Variants in PCDHGB1 observed in about 807,000 individuals in gnomAD.
PCDHGB1 encodes the protein protocadherin gamma subfamily B, 1.
PCDHGB1 carries 34 observed loss-of-function variants against 56.6 expected under a neutral mutation model. The observed-to-expected ratio is 0.60, with a 90% CI of 0.46 to 0.80. The LOEUF is 0.80. Among genes scored for constraint, PCDHGB1 ranks in the 30% least tolerant of loss-of-function variants. The pLI, the probability that PCDHGB1 is intolerant of heterozygous loss-of-function variation, is 0.00. For synonymous variants in PCDHGB1, 561 were observed against 505.9 expected (o/e 1.11, Z -1.46); for missense variants, 1,278 against 1,204.6 (o/e 1.06, Z -0.90).
At chr5:141,399,675 T>C (rs753709757) in intron 1 of PCDHGB1, 3 of 1,613,618 alleles carry the variant, frequency 1.9e-6, no homozygotes, top group South Asian at 2.2e-5. Context: ...AGCGCGCCTT[T>C]GACTACGAGC....
chr5:141,483,887 C>G (rs147069309), intron 1 of PCDHGB1, among the ~76,000 whole-genome samples: 13 of 152,036 alleles, frequency 8.6e-5, no homozygotes, highest in Non-Finnish European at 1.2e-4. Context: ...TTTTCTATTT[C>G]TCTGAGCTCT....
At chr5:141,398,372 G>C in intron 1 of PCDHGB1, 1 of 1,437,202 alleles carries the variant, frequency 7.0e-7, no homozygotes, top group Non-Finnish European at 9.7e-7. Context: ...GCAGAGAGCG[G>C]GGAGTTGCTT....
At chr5:141,376,273 T>A in intron 1 of PCDHGB1, 2 of 1,614,102 alleles carry the variant, frequency 1.2e-6, no homozygotes, top group Non-Finnish European at 1.7e-6. Flanking sequence ...CTTCGGGAGG[T>A]GGCTTAGCGA....
chr5:141,437,956 T>A (rs998689841), intron 1 of PCDHGB1, among the ~76,000 whole-genome samples: 6 of 152,178 alleles, frequency 3.9e-5, no homozygotes, highest in African/African-American at 1.4e-4. Context: ...CAGAATGGTC[T>A]TGATCTCTTG....
At chr5:141,387,237 G>A (rs1273049599) in intron 1 of PCDHGB1, among the ~76,000 whole-genome samples, 2 of 152,168 alleles carry the variant, frequency 1.3e-5, no homozygotes, top group African/African-American at 4.8e-5. Flanking sequence ...AAATCAACTT[G>A]GAGGTACTTA....
chr5:141,410,778 G>T, intron 1 of PCDHGB1: 3 of 818,726 alleles, frequency 3.7e-6, no homozygotes, highest in Non-Finnish European at 3.4e-6. Flanking sequence ...TTTTCACTAT[G>T]TATTTGGTTC....
Position 141,351,438 on chromosome 5 carries a change from C to A in PCDHGB1, c.1178C>A (p.Thr393Asn). ...QEEVPFKLES[T>N]SKNYYKLVIA... The stretch of plus-strand genomic sequence containing the variant: ...GAAGTTCCTTTCAAATTAGAATCCA[C>A]CTCGAAGAATTATTACAAGCTGGTG... Residue 393 changes from threonine to asparagine, a missense_variant, in exon 1 of 4, where the codon ACC becomes AAC. Coordinates refer to ENST00000523390, the MANE Select transcript of PCDHGB1 (RefSeq NM_018922.3). The A allele has an allele frequency of 2.5e-6, 4 of 1,612,402 alleles. No homozygotes were observed. The highest frequency in any genetic ancestry group is 3.4e-6 in the Non-Finnish European group (4 of 1,179,040).
intron 1 of PCDHGB1, among the ~76,000 whole-genome samples, chr5:141,473,126 A>C (rs2154571574): frequency 6.6e-6 from 1 of 152,356 alleles, no homozygotes; most frequent in South Asian, 2.1e-4. Flanking sequence ...GCTCTTTGGC[A>C]AACTATATTA....
chr5:141,374,092 T>G, intron 1 of PCDHGB1: 2 of 1,537,780 alleles, frequency 1.3e-6, no homozygotes. Flanking sequence ...TAATGGCGCC[T>G]CCGCAGAGGC....
intron 1 of PCDHGB1, chr5:141,421,455 C>G (rs762490406): frequency 6.2e-6 from 10 of 1,614,108 alleles, no homozygotes; most frequent in South Asian, 1.1e-5. Flanking sequence ...CACAGCTTTT[C>G]GCTGTGAATC....
intron 1 of PCDHGB1, chr5:141,394,860 G>T: frequency 1.2e-6 from 2 of 1,613,792 alleles, no homozygotes; most frequent in Non-Finnish European, 1.7e-6. Context: ...GCCTTCGGTC[G>T]ACCCGAACGA....
intron 2 of PCDHGB1, among the ~76,000 whole-genome samples, chr5:141,501,109 C>G (rs909874167): frequency 2.0e-5 from 3 of 152,106 alleles, no homozygotes; most frequent in Non-Finnish European, 4.4e-5. Context: ...CCTCGTGATC[C>G]GCCTGCCTCA....
At chr5:141,430,285 T>C (rs1456678142) in intron 1 of PCDHGB1, among the ~76,000 whole-genome samples, 18 of 151,710 alleles carry the variant, frequency 1.2e-4, no homozygotes, top group Admixed American at 1.2e-3. Flanking sequence ...GGAACAGTAA[T>C]CTCAAAGCAG....
chr5:141,437,346 T>C (rs143931647), intron 1 of PCDHGB1, among the ~76,000 whole-genome samples: 2 of 152,380 alleles, frequency 1.3e-5, no homozygotes, highest in East Asian at 3.9e-4. Flanking sequence ...CACTGTTTTA[T>C]AGTACCTAAA....
At chr5:141,357,094 C>T in intron 1 of PCDHGB1, 1 of 1,613,884 alleles carries the variant, frequency 6.2e-7, no homozygotes, top group Non-Finnish European at 8.5e-7. Flanking sequence ...CGCACGGGCC[C>T]TGCTGGACAG....
rs771681529 is a variant in PCDHGB1 at position 141,486,617 on chromosome 5, C to T, written c.2410-8190C>T. The T allele has an allele frequency of 1.2e-6, 2 of 1,613,602 alleles. No individual in the cohort carries two copies. Among genetic ancestry groups the T allele is most frequent in the Non-Finnish European group, 1.7e-6 (2 of 1,180,036 alleles). On this transcript the variant is annotated intron_variant, in intron 1 of 3. Coordinates refer to ENST00000523390, the MANE Select transcript of PCDHGB1 (RefSeq NM_018922.3). The surrounding 1 kb of genome is among the most constrained non-coding windows in gnomAD (Gnocchi z 5.0). ...GCTTTGCTCCCTTGCAGCCTCTGAC[C>T]CAGACTCTGGCTTGAATGCGCTTAT...
chr5:141,441,230 ATTTAAATCACAAGATC>A (rs1009424536), intron 1 of PCDHGB1: 1 of 152,196 alleles, frequency 6.6e-6, no homozygotes, highest in African/African-American at 2.4e-5. Context: ...ACTGTCCAGG[ATTTAAATCACAAGATC>A]TTTAAATCAC....
chr5:141,466,646 T>C (rs954003023), intron 1 of PCDHGB1, among the ~76,000 whole-genome samples: 11 of 152,210 alleles, frequency 7.2e-5, no homozygotes, highest in African/African-American at 2.4e-4. Context: ...CATAAACTTT[T>C]CACAAAACAT....
Position 141,372,058 on chromosome 5 carries a change from G to T in PCDHGB1, c.2409+19389G>T, listed in dbSNP as rs769464516. ...AGCCTGCGCGTGTTGGTGGACGACC[G>T]CAACGACAATGCACCGCTGGTGCTG... On this transcript the variant is annotated intron_variant, in intron 1 of 3. Transcript: ENST00000523390. The T allele has an allele frequency of 8.1e-6, 13 of 1,613,556 alleles. No individual in the cohort carries two copies. In the East Asian group the frequency reaches 2.9e-4, roughly 36 times the overall value.
Sources: allele counts gnomAD v4.1 joint callset (sites outside exome capture counted in the v4.1 genomes callset), GRCh38; gene constraint gnomAD v4.1.1; non-coding constraint Gnocchi (gnomAD v3.1); transcripts MANE v1.5; gene names NCBI Gene and HGNC (gene_info 2026-07-23, HGNC 2026-07-21).